Variants in TRMT2B observed in about 807,000 individuals in gnomAD.
TRMT2B encodes tRNA (uracil-5-)-methyltransferase homolog B.
A neutral mutation model predicts 39.7 loss-of-function variants in TRMT2B; 34 were observed. The ratio of observed to expected loss-of-function variants is 0.86; its 90% CI spans 0.65 to 1.14. TRMT2B has a LOEUF of 1.14. Among genes scored for constraint, TRMT2B ranks in the 50% most tolerant of loss-of-function variants. TRMT2B has a pLI of 0.00. For synonymous variants in TRMT2B, 132 were observed against 137.3 expected, an observed-to-expected ratio of 0.96 and a Z score of 0.27; for missense variants, 318 against 377.2, an observed-to-expected ratio of 0.84 and a Z score of 1.30.
chrX:100,984,656 G>A, the TRMT2B span, among the ~76,000 whole-genome samples: 1 of 112,181 alleles, frequency 8.9e-6, no homozygotes, highest in African/African-American at 3.2e-5. Context: ...AGGTAATACA[G>A]ACATCCTCCC....
intron 2 of TRMT2B, among the ~76,000 whole-genome samples, chrX:101,048,657 C>G (rs1394477576): frequency 8.9e-6 from 1 of 111,996 alleles, no homozygotes; most frequent in Non-Finnish European, 1.9e-5. Flanking sequence ...CCACCCTGGT[C>G]TCGAACTCCT....
intron 7 of TRMT2B, among the ~76,000 whole-genome samples, chrX:101,025,751 G>C (rs765679248): frequency 9.0e-6 from 1 of 110,932 alleles, no homozygotes; most frequent in Admixed American, 9.7e-5. Context: ...TTGAGGTCAG[G>C]GGTTCAAGAC....
At chrX:101,010,817 G>T in intron 13 of TRMT2B, 110 bp from the exon 14 acceptor site, 1 of 729,778 alleles carries the variant, frequency 1.4e-6, no homozygotes, top group Non-Finnish European at 2.0e-6. Flanking sequence ...GGCCCCCTGT[G>T]TTTCTCTTAT....
chrX:100,985,660 T>C, the TRMT2B span: 1 of 1,201,636 alleles, frequency 8.3e-7, no homozygotes, highest in Non-Finnish European at 1.1e-6. Context: ...TTTTCCCCTA[T>C]GCACAGTACT....
Position 101,028,226 on chromosome X carries a change from C to G in TRMT2B, c.610-4610G>C, listed in dbSNP as rs188415003. On this transcript the variant is annotated intron_variant, in intron 7 of 13. Coordinates refer to ENST00000372936, the MANE Select transcript of TRMT2B (RefSeq NM_024917.6). ...CTCCACCTCCTGGATTCAAGCGATT[C>G]CCCTGCCTCAGCCTCCCCAGTAGCT... 9.5e-4 allele frequency among the ~76,000 whole-genome samples: 100 copies of G among 105,152 alleles called. 3 individuals carry two copies. The East Asian group carries it at 0.029, about 30-fold the overall frequency. The allele number at this position is 105,152 out of a possible 115,157, so 91.3% of individuals were successfully genotyped here.
At chrX:101,017,686 T>G (rs1168387845) in intron 13 of TRMT2B, among the ~76,000 whole-genome samples, 1 of 111,547 alleles carries the variant, frequency 9.0e-6, no homozygotes, top group Non-Finnish European at 1.9e-5. Context: ...GGGTGCAAAA[T>G]TTAATAGGGT....
chrX:101,032,135 A>T (rs2087507790), intron 7 of TRMT2B, among the ~76,000 whole-genome samples: 1 of 110,412 alleles, frequency 9.1e-6, no homozygotes, highest in African/African-American at 3.3e-5. Context: ...AAAATACAAA[A>T]ATTAGCCAAG....
At chrX:101,039,596 G>C (rs111741347) in intron 4 of TRMT2B, among the ~76,000 whole-genome samples, 9,799 of 111,327 alleles carry the variant, frequency 0.088, 365 homozygotes, top group Admixed American at 0.13. Flanking sequence ...ATGGCAAGTG[G>C]TTAAGAAATA....
At chrX:101,033,299 C>T (rs1357171636) in intron 7 of TRMT2B, among the ~76,000 whole-genome samples, 3 of 104,861 alleles carry the variant, frequency 2.9e-5, no homozygotes, top group East Asian at 6.1e-4. Flanking sequence ...AATTGGTTTA[C>T]AGAAAATGAA....
At chrX:101,018,743 G>A (rs1475132243) in intron 13 of TRMT2B, among the ~76,000 whole-genome samples, 1 of 111,633 alleles carries the variant, frequency 9.0e-6, no homozygotes, top group East Asian at 2.8e-4. Flanking sequence ...GTGAGCCACC[G>A]CACCCGGCTG....
At chrX:100,984,274 C>A in the TRMT2B span, among the ~76,000 whole-genome samples, 2 of 108,910 alleles carry the variant, frequency 1.8e-5, no homozygotes, top group Non-Finnish European at 3.8e-5. Context: ...CCACCGCACC[C>A]GGCTAAGTTG....
At chrX:100,980,938 A>C in the TRMT2B span, among the ~76,000 whole-genome samples, 1 of 111,143 alleles carries the variant, frequency 9.0e-6, no homozygotes, top group African/African-American at 3.3e-5. Context: ...CTGGTACTTT[A>C]TTTTCCTGTG....
chrX:101,051,853 G>C lies in TRMT2B; in HGVS notation c.-543C>G. On this transcript the variant is annotated 5_prime_UTR_variant, in exon 1 of 14. Transcript: ENST00000372936. Reference sequence around the variant, plus strand: ...AACTAAAAGGCCAGCGGATGGCCTGGTTTGCTGCGGCGGGGAAACAGTCAC... The same window carrying C: ...AACTAAAAGGCCAGCGGATGGCCTGCTTTGCTGCGGCGGGGAAACAGTCAC... The C allele has an allele frequency of 3.5e-6, 1 of 285,544 alleles. No individual in the cohort carries two copies. The highest frequency in any genetic ancestry group is 4.7e-6 in the Non-Finnish European group (1 of 210,569). The allele number at this position is 285,544 out of a possible 1,213,427, so 23.5% of individuals were successfully genotyped here. A position where few individuals can be genotyped will look rare whatever the true frequency, so the allele number is the denominator to read the frequency against.
the TRMT2B span, among the ~76,000 whole-genome samples, chrX:101,004,120 G>C: frequency 1.8e-5 from 2 of 111,750 alleles, no homozygotes; most frequent in Non-Finnish European, 3.8e-5. Flanking sequence ...TTCTGCCTCA[G>C]CCTCCAAAAG....
chrX:101,012,388 T>C (rs1349729263), intron 13 of TRMT2B, among the ~76,000 whole-genome samples: 2 of 108,966 alleles, frequency 1.8e-5, no homozygotes, highest in Admixed American at 2.0e-4. Flanking sequence ...TAGTTACATA[T>C]GTATACATGT....
chrX:100,976,413 G>A, the TRMT2B span, among the ~76,000 whole-genome samples: 1 of 109,507 alleles, frequency 9.1e-6, no homozygotes, highest in Middle Eastern at 4.7e-3. Context: ...AATACCTGGG[G>A]GATTATTCAT....
chrX:101,026,102 G>T (rs2087068785), intron 7 of TRMT2B, among the ~76,000 whole-genome samples: 1 of 110,510 alleles, frequency 9.0e-6, no homozygotes, highest in South Asian at 3.8e-4. Flanking sequence ...AGAGAGGAAG[G>T]AAGAAAGAAA....
chrX:101,012,782 C>A (rs34084611), intron 13 of TRMT2B, among the ~76,000 whole-genome samples: 8,914 of 109,997 alleles, frequency 0.081, 348 homozygotes, highest in Admixed American at 0.12. Flanking sequence ...ATGATGAGTT[C>A]ATGTCCTTTG....
chrX:100,981,012 G>T, the TRMT2B span, among the ~76,000 whole-genome samples: 14 of 111,966 alleles, frequency 1.3e-4, no homozygotes, highest in South Asian at 4.9e-3. Context: ...TCCTGGAGCT[G>T]CAAGCTGTGC....
Sources: gnomAD v4.1 joint callset for allele counts (sites outside exome capture counted in the v4.1 genomes callset) on GRCh38, gnomAD v4.1.1 for gene constraint, MANE v1.5 for transcripts, NCBI Gene and HGNC (gene_info 2026-07-23, HGNC 2026-07-21) for gene names.